LIMS1: variants seen among roughly 807,000 people sequenced by gnomAD.
LIMS1 encodes the protein LIM and senescent cell antigen-like-containing domain protein 1.
In LIMS1, 18 loss-of-function variants were observed where a neutral mutation model predicts 44.1. That is an observed-to-expected ratio of 0.41 (90% CI 0.28 to 0.61). LIMS1 has a LOEUF of 0.61. LIMS1 is among the 20% of genes least tolerant of loss of function. The pLI is 0.32. For missense variants in LIMS1, 201 were observed against 422.0 expected, an observed-to-expected ratio of 0.48 and a Z score of 4.59; for synonymous variants, 93 against 149.1, an observed-to-expected ratio of 0.62 and a Z score of 2.74.
At chr2:108,624,192 C>CT (rs1296538010) in intron 1 of LIMS1, among the ~76,000 whole-genome samples, 2 of 152,178 alleles carry the variant, frequency 1.3e-5, no homozygotes, top group East Asian at 3.8e-4. Flanking sequence ...CCTTTTTTCC[C>CT]TGAAGTTTTT....
chr2:108,595,263 G>A lies in LIMS1; in HGVS notation c.32+60669G>A, dbSNP rs115384818. On this transcript the variant is annotated intron_variant, in intron 1 of 9. Coordinates refer to ENST00000544547, the Ensembl canonical transcript of LIMS1. Reference sequence around the variant, plus strand: ...CTAACCATTAGGAGTGGAAACCACAGCCTTTAATGTATGTGTGGATGTCAT... The same window carrying A: ...CTAACCATTAGGAGTGGAAACCACAACCTTTAATGTATGTGTGGATGTCAT... Among the ~76,000 whole-genome samples, 513 of 152,292 alleles carry A rather than the reference G, an allele frequency of 3.4e-3. 2 individuals are homozygous for A. Among genetic ancestry groups the A allele is most frequent in the African/African-American group, 0.011 (470 of 41,550 alleles).
intron 1 of LIMS1, among the ~76,000 whole-genome samples, chr2:108,644,474 C>CAAA (rs775198639): frequency 6.6e-6 from 1 of 152,156 alleles, no homozygotes; most frequent in Non-Finnish European, 1.5e-5. Context: ...GACGTCCACT[C>CAAA]AGAGACCCCA....
At chr2:108,662,970 G>A (rs1013563322) in intron 2 of LIMS1, among the ~76,000 whole-genome samples, 8 of 152,126 alleles carry the variant, frequency 5.3e-5, no homozygotes, top group East Asian at 3.8e-4. Context: ...AGAACTTTCT[G>A]GTACTTTGAA....
At chr2:108,661,428 G>A (rs571781503) in intron 2 of LIMS1, among the ~76,000 whole-genome samples, 7 of 151,452 alleles carry the variant, frequency 4.6e-5, no homozygotes, top group African/African-American at 1.7e-4. Context: ...CTCCTTCCCT[G>A]GGCAGTGGGA....
At chr2:108,668,403 T>C (rs1385524147) in intron 2 of LIMS1, among the ~76,000 whole-genome samples, 1 of 152,148 alleles carries the variant, frequency 6.6e-6, no homozygotes, top group African/African-American at 2.4e-5. Context: ...GCAACCTCTA[T>C]TTTACTCTCT....
chr2:108,587,097 G>A (rs1686137510), intron 1 of LIMS1, among the ~76,000 whole-genome samples: 1 of 152,144 alleles, frequency 6.6e-6, no homozygotes, highest in Admixed American at 6.6e-5. Context: ...AGAACCCTGA[G>A]TTTTAGAACT....
exon 10 of LIMS1, chr2:108,686,628 T>C (rs1479503395): frequency 6.6e-6 from 1 of 151,226 alleles, no homozygotes; most frequent in African/African-American, 2.4e-5. Context: ...AAAAAAACAT[T>C]AGCCAGGCGT....
chr2:108,611,203 T>C (rs1687580157), intron 1 of LIMS1, among the ~76,000 whole-genome samples: 1 of 152,252 alleles, frequency 6.6e-6, no homozygotes, highest in Non-Finnish European at 1.5e-5. Context: ...TTTCTATGTC[T>C]TGTCTCATCA....
chr2:108,596,842 G>A (rs1686722542), intron 1 of LIMS1, among the ~76,000 whole-genome samples: 1 of 147,314 alleles, frequency 6.8e-6, no homozygotes, highest in Non-Finnish European at 1.5e-5. Flanking sequence ...AAAATAAAAA[G>A]GAGGGGGGCA....
At position 108,680,912 on chromosome 2, in the gene LIMS1, T is replaced by C. The variant is rs1692949597; in HGVS notation, c.899+142T>C. The C allele has an allele frequency of 3.1e-6, 4 of 1,275,252 alleles. No individual in the cohort carries two copies. In the Admixed American group the frequency reaches 1.1e-4, roughly 37 times the overall value. 79.0% of individuals were successfully genotyped at this position (1,275,252 alleles called of 1,614,324 possible). On this transcript the variant is annotated intron_variant, in intron 9 of 9. Transcript: ENST00000544547. ...TGTTCAGGCCTTCTGAAAGTAAAGG[T>C]TCTTCCTTTAACTGTTCCCTGTTCT...
chr2:108,658,785 C>T (rs1691104758), intron 1 of LIMS1, among the ~76,000 whole-genome samples: 1 of 152,426 alleles, frequency 6.6e-6, no homozygotes, highest in African/African-American at 2.4e-5. Flanking sequence ...ACTTTCCTAA[C>T]CTATGAAACG....
chr2:108,575,697 A>G (rs1685646008), intron 1 of LIMS1, among the ~76,000 whole-genome samples: 1 of 152,128 alleles, frequency 6.6e-6, no homozygotes. Flanking sequence ...CCTTTTAGGC[A>G]TCGTTTATTT....
intron 2 of LIMS1, among the ~76,000 whole-genome samples, chr2:108,667,219 A>G (rs1691819694): frequency 1.3e-5 from 2 of 152,192 alleles, no homozygotes; most frequent in South Asian, 2.1e-4. Context: ...TTAAGATTCC[A>G]AGGATTTTAG....
intron 1 of LIMS1, among the ~76,000 whole-genome samples, chr2:108,638,339 AG>A (rs1230729246): frequency 6.6e-6 from 1 of 152,248 alleles, no homozygotes; most frequent in Non-Finnish European, 1.5e-5. Context: ...GCAGCTCACC[AG>A]GGCTTGCCCT....
rs1480734310 is a variant in LIMS1, at chr2:108,638,093, G to A, written c.33-21512G>A. ...GCTCCTGAGCTCAAGTGATCCTCCT[G>A]CCTCAGCCTCCCAAAGTGCTGGGAT... is the stretch of plus-strand genomic sequence containing the variant. On this transcript the variant is annotated intron_variant, in intron 1 of 9. Coordinates refer to ENST00000544547, the Ensembl canonical transcript of LIMS1. 2.6e-5 allele frequency among the ~76,000 whole-genome samples: 4 copies of A among 152,070 alleles called. No homozygotes were observed. In the East Asian group the frequency reaches 5.8e-4, roughly 22 times the overall value.
chr2:108,680,598 A>G lies in LIMS1; in HGVS notation c.824-97A>G, dbSNP rs1692922723. ...AGAACCTCCACCAAGTGCCACAGAC[A>G]CAGTCGTAGTTCTGTTTTGGAGTTG... On this transcript the variant is annotated intron_variant, in intron 8 of 9. Transcript: ENST00000544547. 1.9e-6 allele frequency: 3 copies of G among 1,570,656 alleles called. 1 individual carries two copies. Among genetic ancestry groups the G allele is most frequent in the Admixed American group, 3.5e-5 (2 of 57,044 alleles).
intron 1 of LIMS1, among the ~76,000 whole-genome samples, chr2:108,541,533 A>T (rs1684315996): frequency 1.3e-5 from 2 of 152,202 alleles, no homozygotes; most frequent in African/African-American, 4.8e-5. Context: ...CTTTGGTCAC[A>T]TGTTTTCAAA....
At chr2:108,623,064 T>C (rs1688346406) in intron 1 of LIMS1, among the ~76,000 whole-genome samples, 1 of 151,556 alleles carries the variant, frequency 6.6e-6, no homozygotes, top group African/African-American at 2.4e-5. Context: ...AAGAGAAATA[T>C]TTTGTCACCC....
chr2:108,564,055 A>AG (rs1685211977), intron 1 of LIMS1, among the ~76,000 whole-genome samples: 1 of 151,458 alleles, frequency 6.6e-6, no homozygotes, highest in African/African-American at 2.4e-5. Context: ...AAAAAAAAAA[A>AG]AAAAAAAGGA....
Sources: gnomAD v4.1 joint callset for allele counts (sites outside exome capture counted in the v4.1 genomes callset) on GRCh38, gnomAD v4.1.1 for gene constraint, MANE v1.5 for transcripts, NCBI Gene and HGNC (gene_info 2026-07-23, HGNC 2026-07-21) for gene names.